DCBLD2: variants seen among roughly 807,000 people sequenced by gnomAD.
DCBLD2 encodes discoidin, CUB and LCCL domain-containing protein 2.
Under a neutral mutation model 86.8 loss-of-function variants are expected in DCBLD2, and 54 were observed. That is an observed-to-expected ratio of 0.62 (90% CI 0.50 to 0.78). The LOEUF (loss-of-function observed/expected upper bound fraction) is 0.78, where lower values mean the gene tolerates loss of function less well. Among genes scored for constraint, DCBLD2 ranks in the 30% least tolerant of loss-of-function variants. The pLI, the probability that DCBLD2 is intolerant of heterozygous loss-of-function variation, is 0.00. For synonymous variants in DCBLD2, 354 were observed against 341.3 expected (o/e 1.04, Z -0.41); for missense variants, 908 against 954.2 (o/e 0.95, Z 0.64).
At chr3:98,865,979 G>T (rs1231938556) in intron 2 of DCBLD2, among the ~76,000 whole-genome samples, 6 of 151,524 alleles carry the variant, frequency 4.0e-5, no homozygotes, top group Non-Finnish European at 7.4e-5. Context: ...TTGTCCTTGT[G>T]ATAGTTTGCT....
At chr3:98,841,056 G>A (rs1264680757) in intron 3 of DCBLD2, among the ~76,000 whole-genome samples, 2 of 152,166 alleles carry the variant, frequency 1.3e-5, no homozygotes, top group Non-Finnish European at 2.9e-5. Flanking sequence ...AGTCTTCACA[G>A]TAGAGTTTAA....
chr3:98,811,078 T>C (rs1418026576), intron 12 of DCBLD2, 116 bp downstream of exon 12: 31 of 1,219,216 alleles, frequency 2.5e-5, no homozygotes, highest in Non-Finnish European at 3.1e-5. Context: ...TTTTTTGCTA[T>C]ACTTAAAAAC....
intron 12 of DCBLD2, among the ~76,000 whole-genome samples, chr3:98,810,768 G>C (rs1941924101): frequency 6.6e-6 from 1 of 151,912 alleles, no homozygotes; most frequent in South Asian, 2.1e-4. Flanking sequence ...ACAATTACTA[G>C]TTTCTACTAA....
intron 4 of DCBLD2, among the ~76,000 whole-genome samples, chr3:98,824,987 T>C (rs1393478719): frequency 6.6e-6 from 1 of 152,184 alleles, no homozygotes; most frequent in Non-Finnish European, 1.5e-5. Context: ...AACCATGCTC[T>C]TTCAATTTTT....
At chr3:98,863,909 A>C (rs1161372089) in intron 2 of DCBLD2, among the ~76,000 whole-genome samples, 1 of 152,204 alleles carries the variant, frequency 6.6e-6, no homozygotes, top group Non-Finnish European at 1.5e-5. Flanking sequence ...CTACCATCAG[A>C]GTGAACAGGC....
chr3:98,848,768 T>C (rs1942772467), intron 3 of DCBLD2, among the ~76,000 whole-genome samples: 1 of 152,198 alleles, frequency 6.6e-6, no homozygotes, highest in South Asian at 2.1e-4. Context: ...TCTTATTCTT[T>C]GAAAATAATG....
At position 98,797,619 on chromosome 3, in the gene DCBLD2, CA is replaced by C. The variant is rs1345272498; in HGVS notation, c.*1752del. The C allele has an allele frequency of 6.6e-6, 1 of 152,138 alleles. No homozygotes were observed. Among genetic ancestry groups the C allele is most frequent in the African/African-American group, 2.4e-5 (1 of 41,424 alleles). 9.4% of individuals were successfully genotyped at this position (152,138 alleles called of 1,614,324 possible). A position where few individuals can be genotyped will look rare whatever the true frequency, so the allele number is the denominator to read the frequency against. ...TGAAACAAAATATGTATTGATTCTTCAATGAATGAAATCACGCCTCAAAGTT... is the reference window on the plus strand; with the variant it reads ...TGAAACAAAATATGTATTGATTCTTCATGAATGAAATCACGCCTCAAAGTT... On this transcript the variant is annotated 3_prime_UTR_variant, in exon 16 of 16. Transcript: ENST00000326840.
intron 2 of DCBLD2, among the ~76,000 whole-genome samples, chr3:98,863,310 T>C (rs994872807): frequency 1.3e-5 from 2 of 152,194 alleles, no homozygotes; most frequent in Non-Finnish European, 2.9e-5. Flanking sequence ...ATAGATTCAA[T>C]GCCATCCCCA....
chr3:98,815,650 T>C (rs1363873075), intron 9 of DCBLD2: 1 of 152,148 alleles, frequency 6.6e-6, no homozygotes, highest in African/African-American at 2.4e-5. Flanking sequence ...CTATTATATA[T>C]GCTCCATGTT....
intron 15 of DCBLD2, among the ~76,000 whole-genome samples, chr3:98,800,289 T>C (rs1011346256): frequency 2.0e-5 from 3 of 152,202 alleles, no homozygotes. Context: ...AGGCTTCTTC[T>C]GTCTTTCCCG....
At chr3:98,893,302 T>A (rs1943695766) in intron 1 of DCBLD2, among the ~76,000 whole-genome samples, 1 of 151,270 alleles carries the variant, frequency 6.6e-6, no homozygotes, top group Non-Finnish European at 1.5e-5. Flanking sequence ...TAACTGGATG[T>A]CAAGTTCAAC....
intron 8 of DCBLD2, among the ~76,000 whole-genome samples, chr3:98,818,616 C>T (rs371705929): frequency 4.6e-5 from 7 of 152,164 alleles, no homozygotes; most frequent in East Asian, 3.9e-4. Flanking sequence ...GACTAGGACA[C>T]GCAGACCCAC....
chr3:98,849,547 C>G lies in DCBLD2; in HGVS notation c.485G>C (p.Gly162Ala). 1 of 1,613,786 alleles carries G rather than the reference C, an allele frequency of 6.2e-7. No homozygotes were observed. Among genetic ancestry groups the G allele is most frequent in the Non-Finnish European group, 8.5e-7 (1 of 1,179,796 alleles). Residue 162 changes from glycine to alanine, a missense_variant, in exon 3 of 16, where the codon GGC becomes GCC. Gly to Ala is a moderately conservative substitution (Grantham distance 60, BLOSUM62 0). This residue lies in a region of DCBLD2 where 294 missense variants were observed against 256.0 expected (regional missense o/e 1.15). Transcript: ENST00000326840. ...LQMNHSIESK[G>A]NEITLLFMSG... ...CATGAACAGCAATGTGATTTCATTG[C>G]CTTTTGATTCAATTGAATGGTTCAT... is the stretch of plus-strand genomic sequence containing the variant.
chr3:98,817,916 C>T (rs371265024), intron 8 of DCBLD2, 23 bp from the exon 9 acceptor site: 349 of 1,609,536 alleles, frequency 2.2e-4, no homozygotes, highest in Admixed American at 6.0e-4. Context: ...GAGTTGCTTT[C>T]ATTAATGCAC....
intron 2 of DCBLD2, among the ~76,000 whole-genome samples, chr3:98,878,251 C>A (rs1943403315): frequency 6.6e-6 from 1 of 152,046 alleles, no homozygotes. Context: ...AAGTTAATAG[C>A]ACCAGAAATG....
intron 2 of DCBLD2, among the ~76,000 whole-genome samples, chr3:98,878,902 AGACCGTACAGAAAGT>A (rs1305590766): frequency 6.6e-6 from 1 of 152,210 alleles, no homozygotes; most frequent in African/African-American, 2.4e-5. Context: ...TTTAATCTTC[AGACCGTACAGAAAGT>A]GACTATGAAG....
intron 2 of DCBLD2, among the ~76,000 whole-genome samples, chr3:98,869,304 TTTTCTTGCTAA>T (rs1322662489): frequency 6.6e-6 from 1 of 152,202 alleles, no homozygotes; most frequent in East Asian, 1.9e-4. Context: ...GGATTATTTA[TTTTCTTGCTAA>T]TTTCAGTTCC....
At chr3:98,833,966 T>C (rs1468590394) in intron 3 of DCBLD2, among the ~76,000 whole-genome samples, 1 of 152,128 alleles carries the variant, frequency 6.6e-6, no homozygotes, top group African/African-American at 2.4e-5. Context: ...AGAAACAGTC[T>C]GGCCACTTTT....
chr3:98,893,385 A>G (rs1341662755), intron 1 of DCBLD2, among the ~76,000 whole-genome samples: 1 of 151,620 alleles, frequency 6.6e-6, no homozygotes, highest in African/African-American at 2.4e-5. Flanking sequence ...GTAGTAAGAA[A>G]AAAAAAAAAA....
Sources: allele counts gnomAD v4.1 joint callset (sites outside exome capture counted in the v4.1 genomes callset), GRCh38; gene constraint gnomAD v4.1.1; regional missense constraint gnomAD v4.1.1; transcripts MANE v1.5; gene names NCBI Gene and HGNC (gene_info 2026-07-23, HGNC 2026-07-21).